Variants in SLC17A3 observed in about 807,000 individuals in gnomAD.
SLC17A3 encodes solute carrier family 17 member 3.
A neutral mutation model predicts 60.3 loss-of-function variants in SLC17A3; 61 were observed. The ratio of observed to expected loss-of-function variants is 1.01; its 90% CI spans 0.82 to 1.25. The LOEUF is 1.25. SLC17A3 is among the 50% of genes most tolerant of loss of function. The probability of loss-of-function intolerance (pLI) is 0.00; values close to 1 mark genes in which losing one functional copy is unlikely to be tolerated. For missense variants in SLC17A3, 624 were observed against 594.9 expected (o/e 1.05, Z -0.51); for synonymous variants, 192 against 208.9 (o/e 0.92, Z 0.70).
chr6:25,849,686 G>T (rs576210147), intron 10 of SLC17A3, 119 bp downstream of exon 10: 19 of 1,195,242 alleles, frequency 1.6e-5, no homozygotes, highest in Non-Finnish European at 2.1e-5. Flanking sequence ...ACGGCCACAG[G>T]TCTATCTGTG....
intron 11 of SLC17A3, among the ~76,000 whole-genome samples, chr6:25,845,992 G>A (rs1478560440): frequency 1.3e-5 from 2 of 152,116 alleles, no homozygotes; most frequent in African/African-American, 4.8e-5. Context: ...ACTGATGTGA[G>A]AATCAATATC....
intron 1 of SLC17A3, among the ~76,000 whole-genome samples, chr6:25,872,154 A>G (rs1581535294): frequency 6.6e-6 from 1 of 152,006 alleles, no homozygotes; most frequent in East Asian, 1.9e-4. Flanking sequence ...TTATGACTTC[A>G]TAATTATTTC....
intron 8 of SLC17A3, 85 bp downstream of exon 8, chr6:25,850,374 A>G (rs1475231410): frequency 6.8e-7 from 1 of 1,462,110 alleles, no homozygotes; most frequent in African/African-American, 1.4e-5. Context: ...TAAGAAATAC[A>G]TTTCTCAGAT....
intron 11 of SLC17A3, 74 bp downstream of exon 11, chr6:25,849,300 G>T: frequency 2.3e-6 from 2 of 865,678 alleles, no homozygotes; most frequent in South Asian, 2.8e-5. Flanking sequence ...TTCAGTCTTT[G>T]AATACATGCT....
chr6:25,861,669 C>T lies in SLC17A3; in HGVS notation c.580G>A (p.Gly194Ser), dbSNP rs770646517. The part of the protein sequence containing the change: ...GGQFAIWEKW[G>S]PPQERSRLCS... Reference sequence around the variant, plus strand: ...AGTCTGCTTCGTTCTTGTGGAGGGCCCCACTTTTCCCAAATTGCAAACTGA... The same window carrying T: ...AGTCTGCTTCGTTCTTGTGGAGGGCTCCACTTTTCCCAAATTGCAAACTGA... Residue 194 changes from glycine to serine, a missense_variant, in exon 5 of 13, where the codon GGC becomes AGC. Transcript: ENST00000397060. 2 of 1,613,792 alleles carry T rather than the reference C, an allele frequency of 1.2e-6. No individual in the cohort carries two copies. The highest frequency in any genetic ancestry group is 1.3e-5 in the African/African-American group (1 of 74,860).
At chr6:25,853,697 C>T (rs576711242) in intron 6 of SLC17A3, among the ~76,000 whole-genome samples, 174 of 152,124 alleles carry the variant, frequency 1.1e-3, no homozygotes, top group African/African-American at 3.8e-3. Context: ...GGATTACAGG[C>T]GTGAGCCACC....
At chr6:25,873,662 T>G (rs961792389) in intron 1 of SLC17A3, among the ~76,000 whole-genome samples, 1 of 152,106 alleles carries the variant, frequency 6.6e-6, no homozygotes, top group African/African-American at 2.4e-5. Flanking sequence ...CACTGGATCT[T>G]GATGCAGCAT....
chr6:25,845,262 ACGG>A lies in SLC17A3; in HGVS notation c.*36_*38del, dbSNP rs1765152602. 4 of 1,207,508 alleles carry A rather than the reference ACGG, an allele frequency of 3.3e-6. No individual in the cohort carries two copies. In the Admixed American group the frequency reaches 6.9e-5, roughly 21 times the overall value. The allele number at this position is 1,207,508 out of a possible 1,614,324, so 74.8% of individuals were successfully genotyped here. A position where few individuals can be genotyped will look rare whatever the true frequency, so the allele number is the denominator to read the frequency against. Reference sequence around the variant, plus strand: ...ACGGAAGCCTTCTATTTTATGCAATACGGTGCCTAATGACTTTTCCATCCAAGG... The same window carrying A: ...ACGGAAGCCTTCTATTTTATGCAATATGCCTAATGACTTTTCCATCCAAGG... On this transcript the variant is annotated 3_prime_UTR_variant, in exon 13 of 13. Transcript: ENST00000397060.
intron 11 of SLC17A3, among the ~76,000 whole-genome samples, chr6:25,847,731 TTTA>T (rs1765201513): frequency 1.3e-5 from 2 of 151,910 alleles, no homozygotes; most frequent in African/African-American, 4.8e-5. Context: ...TTTATTTTAT[TTTA>T]TTATTATTTT....
intron 1 of SLC17A3, among the ~76,000 whole-genome samples, chr6:25,872,449 T>G: frequency 6.6e-6 from 1 of 151,288 alleles, no homozygotes; most frequent in East Asian, 1.9e-4. Context: ...TCTGTGTGTG[T>G]GGGTGTGTTT....
intron 6 of SLC17A3, among the ~76,000 whole-genome samples, chr6:25,851,909 A>T (rs1248454033): frequency 6.6e-6 from 1 of 152,154 alleles, no homozygotes; most frequent in African/African-American, 2.4e-5. Flanking sequence ...TTTAGTTTTC[A>T]GTGCACAGCC....
intron 5 of SLC17A3, among the ~76,000 whole-genome samples, chr6:25,860,253 C>A (rs967419412): frequency 2.0e-5 from 3 of 152,104 alleles, no homozygotes; most frequent in Non-Finnish European, 4.4e-5. Flanking sequence ...TAAGTGGCTG[C>A]AAAGTTTCCT....
At chr6:25,855,122 G>A (rs745550549) in intron 6 of SLC17A3, 22 bp downstream of exon 6, 2 of 1,488,188 alleles carry the variant, frequency 1.3e-6, no homozygotes, top group East Asian at 2.3e-5. Context: ...GAAACTCAGG[G>A]AACTGGGAGA....
chr6:25,851,223 A>G (rs1765271136), intron 6 of SLC17A3, among the ~76,000 whole-genome samples: 1 of 148,668 alleles, frequency 6.7e-6, no homozygotes, highest in Non-Finnish European at 1.5e-5. Context: ...TCTTTTTTTG[A>G]TGAAGTGTCT....
chr6:25,849,293 A>G (rs1023501349), intron 11 of SLC17A3, 81 bp downstream of exon 11: 3 of 814,434 alleles, frequency 3.7e-6, no homozygotes, highest in African/African-American at 3.4e-5. Context: ...TTTATTTTTC[A>G]GTCTTTGAAT....
chr6:25,847,748 A>AT (rs1345364422), intron 11 of SLC17A3, among the ~76,000 whole-genome samples: 3 of 151,366 alleles, frequency 2.0e-5, no homozygotes, highest in Admixed American at 6.6e-5. Flanking sequence ...TTATTTTTTA[A>AT]TTTTTTTATT....
At chr6:25,867,323 T>A (rs534231052) in intron 2 of SLC17A3, among the ~76,000 whole-genome samples, 2 of 152,078 alleles carry the variant, frequency 1.3e-5, no homozygotes, top group East Asian at 3.9e-4. Context: ...AGTTGGAGTA[T>A]TCTCACCATA....
In SLC17A3 at chr6:25,865,256, G is replaced by A. The variant is rs1046506072; in HGVS notation, c.92-2812C>T. 3.3e-5 allele frequency among the ~76,000 whole-genome samples: 5 copies of A among 152,018 alleles called. 1 individual carries two copies. The highest frequency in any genetic ancestry group is 6.6e-5 in the Admixed American group (1 of 15,258). ...TACTTCTGTGATTAATACAATCCAC[G>A]TGCACCCAGCTGTAGGGTTTATGTG... On this transcript the variant is annotated intron_variant, in intron 2 of 12. Coordinates refer to ENST00000397060, the MANE Select transcript of SLC17A3 (RefSeq NM_001098486.2).
intron 5 of SLC17A3, among the ~76,000 whole-genome samples, chr6:25,857,582 C>T (rs1765379265): frequency 1.3e-5 from 2 of 150,910 alleles, no homozygotes; most frequent in African/African-American, 2.4e-5. Flanking sequence ...AAAAAAAAGT[C>T]ACTTATTTAC....
Sources: allele counts gnomAD v4.1 joint callset (sites outside exome capture counted in the v4.1 genomes callset), GRCh38; gene constraint gnomAD v4.1.1; transcripts MANE v1.5; gene names NCBI Gene and HGNC (gene_info 2026-07-23, HGNC 2026-07-21).